Variants in KIF1A observed in about 807,000 individuals in gnomAD.
KIF1A encodes kinesin family member 1A, also known as kinesin-like protein KIF1A.
A neutral mutation model predicts 227.3 loss-of-function variants in KIF1A; 46 were observed. The ratio of observed to expected loss-of-function variants is 0.20; its 90% CI spans 0.16 to 0.26. The LOEUF is 0.26. KIF1A is among the 10% of genes least tolerant of loss of function. The probability of loss-of-function intolerance (pLI) is 1.00; values close to 1 mark genes in which losing one functional copy is unlikely to be tolerated. For synonymous variants in KIF1A, 1,022 were observed against 1,012.8 expected (o/e 1.01, Z -0.17); for missense variants, 1,683 against 2,485.9 (o/e 0.68, Z 6.87).
At chr2:240,751,721 G>A (rs542179416) in intron 27 of KIF1A, among the ~76,000 whole-genome samples, 114 of 152,252 alleles carry the variant, frequency 7.5e-4, no homozygotes, top group African/African-American at 2.7e-3. Flanking sequence ...CAAGCTCCTT[G>A]CAGGGGTGTC....
intron 1 of KIF1A, among the ~76,000 whole-genome samples, chr2:240,804,657 G>A (rs946069287): frequency 6.6e-6 from 1 of 152,134 alleles, no homozygotes; most frequent in South Asian, 2.1e-4. Context: ...GAAGGGACAC[G>A]GGAATTAATC....
At chr2:240,746,235 G>A (rs951300935) in intron 29 of KIF1A, 58 bp from the exon 30 acceptor site, 26 of 1,533,198 alleles carry the variant, frequency 1.7e-5, no homozygotes, top group Admixed American at 4.1e-5. Flanking sequence ...GAGGGGCACC[G>A]TAGACCCTGC....
rs1270001102 is a variant in KIF1A, at chr2:240,746,172, C to T, written c.3069G>A (p.Gln1023=). 1.3e-6 allele frequency: 2 copies of T among 1,562,050 alleles called. No individual in the cohort carries two copies. The highest frequency in any genetic ancestry group is 2.4e-5 in the South Asian group (2 of 84,724). The change falls in exon 30 of 49, where the codon CAG becomes CAA. Residue 1023 remains glutamine, a synonymous_variant. Transcript: ENST00000498729. ...TCCCCACCACGGGGCAAGACTCGGA[C>T]TGGAACTGATCAGAGGGGGACCAGA... The part of the protein sequence containing the change: ...SFDDQHFEKF[Q]SESCPVVGMS...
intron 10 of KIF1A, among the ~76,000 whole-genome samples, chr2:240,779,707 C>T (rs1185545513): frequency 6.7e-6 from 1 of 149,712 alleles, no homozygotes; most frequent in Non-Finnish European, 1.5e-5. Flanking sequence ...CACTCAGTTC[C>T]TCACAGTTCC....
intron 22 of KIF1A, 100 bp from the exon 23 acceptor site, chr2:240,762,912 T>C (rs2050703225): frequency 7.2e-7 from 1 of 1,392,662 alleles, no homozygotes; most frequent in African/African-American, 1.5e-5. Flanking sequence ...ACTGTTTAGA[T>C]GCAAGAGATG....
rs779571433 is a variant in KIF1A, at chr2:240,758,344, G to A, written c.2582+16C>T. 1.9e-6 allele frequency: 3 copies of A among 1,606,026 alleles called. No homozygotes were observed. Among genetic ancestry groups the A allele is most frequent in the Non-Finnish European group, 2.6e-6 (3 of 1,176,070 alleles). On this transcript the variant is annotated intron_variant, in intron 26 of 48. Coordinates refer to ENST00000498729, the MANE Select transcript of KIF1A (RefSeq NM_001244008.2). This position sits in a 1 kb window ranked among gnomAD's most constrained non-coding sequence, Gnocchi z 5.2. ...CTCAATCTCTCTCTCTGCCAAGGAA[G>A]GGAGGAGGCGCCCACCTGCCCACCA...
Position 240,721,823 on chromosome 2 carries a change from C to T in KIF1A, c.4727G>A (p.Ser1576Asn), listed in dbSNP as rs754928504. 1 of 1,606,126 alleles carries T rather than the reference C, an allele frequency of 6.2e-7. No individual in the cohort carries two copies. The change falls in exon 44 of 49, where the codon AGT (serine) becomes AAT (asparagine). Residue 1576 changes from serine to asparagine, a missense_variant. Transcript: ENST00000498729. ...REYTHSHVCVSASESKLSEMS... is the reference protein window; with the variant it reads ...REYTHSHVCVNASESKLSEMS... ...TGCACCCACCTTGCTCTCGCTGGCA[C>T]TGACGCAGACGTGGCTGTGTGTGTA...
rs1321305536 is a variant in KIF1A at position 240,792,907 on chromosome 2, C to T, written c.107-3595G>A. 2.0e-5 allele frequency among the ~76,000 whole-genome samples: 3 copies of T among 152,212 alleles called. No individual in the cohort carries two copies. Among genetic ancestry groups the T allele is most frequent in the Admixed American group, 6.5e-5 (1 of 15,288 alleles). Reference sequence around the variant, plus strand: ...GCTGGGAAGACAGCCCTCCCACGATCTAGACCTGTGGGCATCTTGATTGGA... The same window carrying T: ...GCTGGGAAGACAGCCCTCCCACGATTTAGACCTGTGGGCATCTTGATTGGA... On this transcript the variant is annotated intron_variant, in intron 2 of 48. Coordinates refer to ENST00000498729, the MANE Select transcript of KIF1A (RefSeq NM_001244008.2). The surrounding 1 kb of genome is among the most constrained non-coding windows in gnomAD (Gnocchi z 4.5).
At chr2:240,763,143 G>T in intron 21 of KIF1A, 23 bp downstream of exon 21, 3 of 1,605,690 alleles carry the variant, frequency 1.9e-6, no homozygotes, top group Non-Finnish European at 2.5e-6. Flanking sequence ...GCAGCAGGCA[G>T]TTGGGGGTGG....
intron 5 of KIF1A, 144 bp from the exon 6 acceptor site, chr2:240,786,657 AGG>A (rs1305213760): frequency 1.6e-6 from 1 of 620,082 alleles, no homozygotes; most frequent in Non-Finnish European, 2.6e-6. Context: ...CCCCTGAGTG[AGG>A]GGGTGGGGGC....
intron 27 of KIF1A, among the ~76,000 whole-genome samples, chr2:240,754,206 G>C (rs768701927): frequency 6.6e-6 from 1 of 152,192 alleles, no homozygotes; most frequent in Non-Finnish European, 1.5e-5. Flanking sequence ...CATCCAGGTA[G>C]AGGTTATACA....
intron 32 of KIF1A, 90 bp downstream of exon 32, chr2:240,745,337 T>C: frequency 9.9e-7 from 1 of 1,010,992 alleles, no homozygotes. Context: ...CCACAACTGG[T>C]GTTCAGAAGA....
At chr2:240,821,226 G>A (rs1323227231), upstream of KIF1A, among the ~76,000 whole-genome samples, 1 of 152,234 alleles carries the variant, frequency 6.6e-6, no homozygotes. Context: ...CCCCTGCCAT[G>A]GGCATCCTGG....
At position 240,750,848 on chromosome 2, in the gene KIF1A, G is replaced by A. The variant is rs572453900; in HGVS notation, c.2859-301C>T. On this transcript the variant is annotated intron_variant, in intron 27 of 48. Coordinates refer to ENST00000498729, the MANE Select transcript of KIF1A (RefSeq NM_001244008.2). ...GAGAAGGGAGCAGCCGAGGAGGGAG[G>A]TTTCAGCCTGCTTCAAGGAGGACGG... Among the ~76,000 whole-genome samples the A allele has an allele frequency of 2.4e-4, 37 of 152,292 alleles. 1 individual carries two copies. Among genetic ancestry groups the A allele is most frequent in the Admixed American group, 2.4e-3 (37 of 15,308 alleles).
intron 45 of KIF1A, chr2:240,720,192 A>G: frequency 2.7e-6 from 1 of 368,126 alleles, no homozygotes; most frequent in Non-Finnish European, 4.9e-6. Context: ...GCCCCACTCC[A>G]CGCCCTTCTC....
Position 240,765,737 on chromosome 2 carries a change from C to G in KIF1A, c.1741G>C (p.Val581Leu). Residue 581 changes from valine (V) to leucine (L), a missense_variant, in exon 20 of 49, where the codon GTC (valine) becomes CTC (leucine). Coordinates refer to ENST00000498729, the MANE Select transcript of KIF1A (RefSeq NM_001244008.2). ...GADTYVNGKK[V>L]TEPSILRSGN... ...GAACGCAGGATGCTGGGCTCTGTGA[C>G]TTTCTTGCCATTGACGTAGGTGTCT... The G allele has an allele frequency of 6.2e-7, 1 of 1,613,716 alleles. No homozygotes were observed. The highest frequency in any genetic ancestry group is 8.5e-7 in the Non-Finnish European group (1 of 1,179,824).
At position 240,725,219 on chromosome 2, in the gene KIF1A, C is replaced by T. The variant is rs993032036; in HGVS notation, c.4256+52G>A. ...CTGCCAGGCAGAGCCCTGCCTGGCC[C>T]GCACCGAGACCAGGGTGGGAGTCCA... is the stretch of plus-strand genomic sequence containing the variant. On this transcript the variant is annotated intron_variant, in intron 40 of 48. Coordinates refer to ENST00000498729, the MANE Select transcript of KIF1A (RefSeq NM_001244008.2). The surrounding 1 kb of genome is among the most constrained non-coding windows in gnomAD (Gnocchi z 5.8). 4.3e-5 allele frequency: 66 copies of T among 1,552,466 alleles called. No homozygotes were observed. Among genetic ancestry groups the T allele is most frequent in the African/African-American group, 5.5e-5 (4 of 73,052 alleles).
chr2:240,766,743 TCTCTCTCACACACACACACA>T lies in KIF1A; in HGVS notation c.1684+152_1684+171del, dbSNP rs1275681785. Among the ~76,000 whole-genome samples the T allele has an allele frequency of 8.7e-4, 109 of 125,602 alleles. No individual in the cohort carries two copies. Among genetic ancestry groups the T allele is most frequent in the East Asian group, 3.4e-3 (12 of 3,518 alleles). The allele number at this position is 125,602 out of a possible 152,430, so 82.4% of individuals were successfully genotyped here. A position where few individuals can be genotyped will look rare whatever the true frequency, so the allele number is the denominator to read the frequency against. ...CCAAATCTCTCTCTCTCTCTCTCTC[TCTCTCTCACACACACACACA>T]CACACACACACACACACACACACGT... On this transcript the variant is annotated intron_variant, in intron 19 of 48. Coordinates refer to ENST00000498729, the MANE Select transcript of KIF1A (RefSeq NM_001244008.2). This position sits in a 1 kb window ranked among gnomAD's most constrained non-coding sequence, Gnocchi z 5.0.
intron 1 of KIF1A, among the ~76,000 whole-genome samples, chr2:240,801,578 T>C (rs560586809): frequency 2.0e-5 from 3 of 152,348 alleles, no homozygotes; most frequent in Admixed American, 6.5e-5. Flanking sequence ...TGAATGTTTG[T>C]GTCCCCTGTT....
Sources: gnomAD v4.1 joint callset for allele counts (sites outside exome capture counted in the v4.1 genomes callset) on GRCh38, gnomAD v4.1.1 for gene constraint, Gnocchi (gnomAD v3.1) non-coding constraint, MANE v1.5 for transcripts, NCBI Gene and HGNC (gene_info 2026-07-23, HGNC 2026-07-21) for gene names.